The following TPTE2 variants were observed in gnomAD, a reference collection of about 807,000 sequenced individuals.
The protein encoded by TPTE2 is transmembrane phosphoinositide 3-phosphatase and tensin homolog 2, also known as phosphatidylinositol 3,4,5-trisphosphate 3-phosphatase TPTE2.
A neutral mutation model predicts 78.6 loss-of-function variants in TPTE2; 53 were observed. The observed-to-expected ratio is 0.67, with a 90% CI of 0.54 to 0.85. The LOEUF is 0.85. TPTE2 is among the 40% of genes least tolerant of loss of function. The probability of loss-of-function intolerance (pLI) is 0.00; values close to 1 mark genes in which losing one functional copy is unlikely to be tolerated. For missense variants in TPTE2, 461 were observed against 623.0 expected (o/e 0.74, Z 2.77); for synonymous variants, 175 against 206.2 (o/e 0.85, Z 1.30).
intron 9 of TPTE2, among the ~76,000 whole-genome samples, chr13:19,464,816 A>C (rs985037731): frequency 1.3e-5 from 2 of 152,164 alleles, no homozygotes; most frequent in Non-Finnish European, 2.9e-5. Flanking sequence ...TTCTTATCTT[A>C]AATACCAGAG....
chr13:19,547,228 G>A, the TPTE2 span, among the ~76,000 whole-genome samples: 59 of 152,260 alleles, frequency 3.9e-4, no homozygotes, highest in South Asian at 7.3e-3. Context: ...AGGCTGAGGC[G>A]GGTGGATTGC....
chr13:19,454,827 A>C (rs1416813277), intron 10 of TPTE2, among the ~76,000 whole-genome samples: 3 of 152,224 alleles, frequency 2.0e-5, no homozygotes, highest in African/African-American at 7.2e-5. Flanking sequence ...CCAAATTTAT[A>C]TTAGTCACCA....
intron 1 of TPTE2, among the ~76,000 whole-genome samples, chr13:19,530,479 G>A (rs1870799345): frequency 6.6e-6 from 1 of 152,100 alleles, no homozygotes; most frequent in Non-Finnish European, 1.5e-5. Context: ...TCTCTCTTTG[G>A]CTCGAGAACA....
rs565916406 is a variant in TPTE2 at position 19,425,590 on chromosome 13, G to T, written c.1396-573C>A. 4.2e-5 allele frequency: 15 copies of T among 357,466 alleles called. No homozygotes were observed. In the East Asian group the frequency reaches 1.1e-3, roughly 27 times the overall value. 22.1% of individuals were successfully genotyped at this position (357,466 alleles called of 1,614,324 possible). On this transcript the variant is annotated intron_variant, in intron 18 of 19. Transcript: ENST00000400230. The stretch of plus-strand genomic sequence containing the variant: ...CTCATCCCACAGACCCCCATACTCC[G>T]CAGGGACCATGTGGATATATCAGTG...
chr13:19,480,988 A>C (rs1245479500), intron 4 of TPTE2, among the ~76,000 whole-genome samples: 1 of 152,244 alleles, frequency 6.6e-6, no homozygotes, highest in Non-Finnish European at 1.5e-5. Flanking sequence ...ACACCATGAA[A>C]TATTACACAA....
In TPTE2 at chr13:19,436,223, T is replaced by C; in HGVS notation, c.1116+3A>G. On this transcript the variant is annotated splice_donor_region_variant and intron_variant, in intron 15 of 19. Transcript: ENST00000400230. The stretch of plus-strand genomic sequence containing the variant: ...AACTCCCATTTTTAAAAAGAAAACT[T>C]ACCTGAGAAGGAGTTTCTACTCCCT... The C allele has an allele frequency of 6.2e-7, 1 of 1,607,136 alleles. No individual in the cohort carries two copies. The highest frequency in any genetic ancestry group is 8.5e-7 in the Non-Finnish European group (1 of 1,177,996).
Position 19,443,737 on chromosome 13 carries a change from TACACACACACACACACAC to T in TPTE2, c.974-5602_974-5585del, listed in dbSNP as rs373060672. ...TTCTTAATCGATAAATGGTAGCTAA[TACACACACACACACACAC>T]ACACACACACACACACACACACACA... is the stretch of plus-strand genomic sequence containing the variant. On this transcript the variant is annotated intron_variant, in intron 13 of 19. Coordinates refer to ENST00000400230, the Ensembl canonical transcript of TPTE2. 1.3e-3 allele frequency among the ~76,000 whole-genome samples: 173 copies of T among 129,862 alleles called. 1 individual carries two copies. In the East Asian group the frequency reaches 0.017, roughly 13 times the overall value. The allele number at this position is 129,862 out of a possible 152,430, so 85.2% of individuals were successfully genotyped here.
intron 13 of TPTE2, among the ~76,000 whole-genome samples, chr13:19,443,759 C>T (rs1877643394): frequency 1.4e-5 from 2 of 141,700 alleles, no homozygotes; most frequent in South Asian, 2.2e-4. Context: ...CACACACACA[C>T]ACACACACAC....
At chr13:19,546,075 T>C in the TPTE2 span, among the ~76,000 whole-genome samples, 2 of 151,964 alleles carry the variant, frequency 1.3e-5, no homozygotes, top group Non-Finnish European at 2.9e-5. Flanking sequence ...GCACCTGTAG[T>C]CTTAGTACCT....
chr13:19,425,165 C>T (rs1875934696), intron 18 of TPTE2, 148 bp from the exon 22 acceptor site: 1 of 472,632 alleles, frequency 2.1e-6, no homozygotes, highest in African/African-American at 2.0e-5. Flanking sequence ...TAACAATACA[C>T]TCAAGACACA....
At chr13:19,527,743 C>G (rs545008560) in intron 1 of TPTE2, among the ~76,000 whole-genome samples, 2 of 152,288 alleles carry the variant, frequency 1.3e-5, no homozygotes, top group African/African-American at 4.8e-5. Context: ...TGGTGCACCC[C>G]TGTGGTCCCA....
At chr13:19,482,760 T>A (rs1434377688) in intron 3 of TPTE2, among the ~76,000 whole-genome samples, 12 of 151,668 alleles carry the variant, frequency 7.9e-5, no homozygotes, top group African/African-American at 2.7e-4. Flanking sequence ...CACTTAATTT[T>A]GCATATTTTT....
At chr13:19,503,556 G>A (rs1362934541), upstream of TPTE2, among the ~76,000 whole-genome samples, 2 of 140,942 alleles carry the variant, frequency 1.4e-5, no homozygotes, top group African/African-American at 2.5e-5. Flanking sequence ...CCTTTGTGGT[G>A]GCAGTTATTT....
intron 19 of TPTE2, among the ~76,000 whole-genome samples, chr13:19,424,739 T>C (rs571449593): frequency 2.5e-4 from 38 of 152,352 alleles, no homozygotes; most frequent in African/African-American, 8.7e-4. Flanking sequence ...GCATGGACCC[T>C]GAGGATACTG....
chr13:19,527,030 G>A (rs1870547889), intron 1 of TPTE2, among the ~76,000 whole-genome samples: 1 of 152,174 alleles, frequency 6.6e-6, no homozygotes, highest in South Asian at 2.1e-4. Flanking sequence ...AAAAGGCCGG[G>A]CGTGGTGGCT....
chr13:19,442,223 A>C (rs986872436), intron 13 of TPTE2, among the ~76,000 whole-genome samples: 49 of 152,230 alleles, frequency 3.2e-4, no homozygotes, highest in African/African-American at 1.1e-3. Context: ...AAAGAAAAAA[A>C]TACATAGTAT....
intron 13 of TPTE2, among the ~76,000 whole-genome samples, chr13:19,444,361 G>A (rs1257996955): frequency 9.2e-6 from 1 of 109,184 alleles, no homozygotes; most frequent in Non-Finnish European, 1.9e-5. Flanking sequence ...AAAAAAGTGA[G>A]TTTAGGAAAG....
intron 10 of TPTE2, among the ~76,000 whole-genome samples, chr13:19,453,092 A>G (rs774715687): frequency 7.3e-5 from 11 of 151,466 alleles, no homozygotes; most frequent in Non-Finnish European, 1.6e-4. Context: ...CAAAGGTGCA[A>G]TATCAGTTCA....
intron 15 of TPTE2, among the ~76,000 whole-genome samples, chr13:19,432,969 G>C (rs1876784673): frequency 6.6e-6 from 1 of 152,050 alleles, no homozygotes; most frequent in Non-Finnish European, 1.5e-5. Flanking sequence ...ATGAGAGAAT[G>C]GTATAAGTGA....
Sources: gnomAD v4.1 joint callset for allele counts (sites outside exome capture counted in the v4.1 genomes callset) on GRCh38, gnomAD v4.1.1 for gene constraint, MANE v1.5 for transcripts, NCBI Gene and HGNC (gene_info 2026-07-23, HGNC 2026-07-21) for gene names.